PSD3: variants seen among roughly 807,000 people sequenced by gnomAD.
PSD3 encodes the protein pleckstrin and Sec7 domain containing 3, also known as PH and SEC7 domain-containing protein 3.
Under a neutral mutation model 105.5 loss-of-function variants are expected in PSD3, and 49 were observed. The ratio of observed to expected loss-of-function variants is 0.46; its 90% confidence interval spans 0.37 to 0.59. The LOEUF (loss-of-function observed/expected upper bound fraction) is 0.59, where lower values mean the gene tolerates loss of function less well. Ranked by LOEUF, PSD3 falls within the 20% of genes least tolerant of loss-of-function variation. The pLI is 0.00. For synonymous variants in PSD3, 557 were observed against 457.8 expected (o/e 1.22, Z -2.77); for missense variants, 1,561 against 1,263.8 (o/e 1.24, Z -3.57).
chr8:19,075,016 G>A (rs1829420882), intron 1 of PSD3, among the ~76,000 whole-genome samples: 1 of 151,702 alleles, frequency 6.6e-6, no homozygotes, highest in Non-Finnish European at 1.5e-5. Context: ...TGCAGTCTCA[G>A]CTCACTACAA....
chr8:18,713,232 G>A (rs1390205055), intron 9 of PSD3, among the ~76,000 whole-genome samples: 1 of 152,122 alleles, frequency 6.6e-6, no homozygotes, highest in Admixed American at 6.5e-5. Flanking sequence ...CACAAGACAA[G>A]GATGCCCTCT....
intron 11 of PSD3, among the ~76,000 whole-genome samples, chr8:18,617,434 G>A (rs959985156): frequency 2.0e-5 from 3 of 152,148 alleles, no homozygotes; most frequent in Non-Finnish European, 2.9e-5. Flanking sequence ...GGGAGGCTGA[G>A]GAAGGTGAAT....
intron 1 of PSD3, among the ~76,000 whole-genome samples, chr8:18,945,267 T>C (rs1345204409): frequency 2.6e-5 from 4 of 151,732 alleles, no homozygotes; most frequent in African/African-American, 9.7e-5. Flanking sequence ...AAGTGAACCC[T>C]AAATGACATC....
Position 18,657,612 on chromosome 8 carries a change from A to C in PSD3, c.2173-1927T>G, listed in dbSNP as rs577123248. Among the ~76,000 whole-genome samples, 34 of 152,308 alleles carry C rather than the reference A, an allele frequency of 2.2e-4. 1 individual carries two copies. The South Asian group carries it at 6.4e-3, about 29-fold the overall frequency. On this transcript the variant is annotated intron_variant, in intron 9 of 15. Transcript: ENST00000327040. ...GATTACTGAAGAGATCCAATCTATG[A>C]TATAGTTAATGTATCAGGAGGCTGA...
At chr8:18,796,808 T>C (rs562460796) in intron 8 of PSD3, among the ~76,000 whole-genome samples, 1 of 152,300 alleles carries the variant, frequency 6.6e-6, no homozygotes, top group East Asian at 1.9e-4. Flanking sequence ...GAATAATGGT[T>C]GATTAGTGTA....
intron 3 of PSD3, among the ~76,000 whole-genome samples, chr8:18,869,879 C>T (rs545432292): frequency 2.6e-5 from 4 of 152,278 alleles, no homozygotes; most frequent in Admixed American, 1.3e-4. Flanking sequence ...GGACAGTATC[C>T]GTGAGCCACA....
intron 1 of PSD3, among the ~76,000 whole-genome samples, chr8:18,965,016 G>T (rs933250789): frequency 6.6e-6 from 1 of 152,084 alleles, no homozygotes; most frequent in Non-Finnish European, 1.5e-5. Flanking sequence ...TCATAAAAAG[G>T]TTCATTCATG....
At chr8:19,084,305 A>G (rs550004503) in exon 1 of PSD3, 37 of 456,122 alleles carry the variant, frequency 8.1e-5, no homozygotes, top group African/African-American at 6.8e-4. Context: ...GCGCTGTGGT[A>G]CCTGTGGCCT....
chr8:18,701,638 G>A (rs1801588709), intron 9 of PSD3, among the ~76,000 whole-genome samples: 1 of 152,166 alleles, frequency 6.6e-6, no homozygotes, highest in Non-Finnish European at 1.5e-5. Flanking sequence ...TCCTAGTAGT[G>A]CAGAGTAAGT....
chr8:19,028,278 A>ACCCCCCCCCCCCC, intron 1 of PSD3, among the ~76,000 whole-genome samples: 1 of 94,016 alleles, frequency 1.1e-5, no homozygotes, highest in South Asian at 3.8e-4. Context: ...CTCTCACACC[A>ACCCCCCCCCCCCC]CCCCCCCCCC....
In PSD3 at chr8:18,632,602, A is replaced by G. The variant is rs748980688; in HGVS notation, c.2410+11T>C. 3 of 1,599,030 alleles carry G rather than the reference A, an allele frequency of 1.9e-6. No homozygotes were observed. The highest frequency in any genetic ancestry group is 1.8e-5 in the Admixed American group (1 of 56,778). On this transcript the variant is annotated intron_variant, in intron 11 of 15. Transcript: ENST00000327040. Reference sequence around the variant, plus strand: ...TAAATGAAATAGAAAATGACAACGCATGATACTTACTCTTCTTTCCATCCA... The same window carrying G: ...TAAATGAAATAGAAAATGACAACGCGTGATACTTACTCTTCTTTCCATCCA...
At chr8:19,050,894 C>A (rs1268029595) in intron 1 of PSD3, among the ~76,000 whole-genome samples, 1 of 152,110 alleles carries the variant, frequency 6.6e-6, no homozygotes, top group Non-Finnish European at 1.5e-5. Context: ...TCCCGTGAGC[C>A]AGGAGCTAGT....
At chr8:18,977,801 T>C (rs143361447) in intron 1 of PSD3, among the ~76,000 whole-genome samples, 1 of 152,310 alleles carries the variant, frequency 6.6e-6, no homozygotes, top group African/African-American at 2.4e-5. Context: ...TATTTTCTTC[T>C]TTTTACTTAT....
At chr8:18,752,591 T>TATA (rs1204227453) in intron 9 of PSD3, among the ~76,000 whole-genome samples, 1 of 82,360 alleles carries the variant, frequency 1.2e-5, no homozygotes, top group African/African-American at 6.6e-5. Flanking sequence ...ATATATTATA[T>TATA]ATTATATATT....
upstream of PSD3, among the ~76,000 whole-genome samples, chr8:19,015,277 C>A (rs772705031): frequency 6.6e-6 from 1 of 152,206 alleles, no homozygotes; most frequent in South Asian, 2.1e-4. Flanking sequence ...CCTTGCTTTA[C>A]GCCATGATTG....
chr8:18,979,127 C>A (rs1173627808), intron 1 of PSD3, among the ~76,000 whole-genome samples: 1 of 152,110 alleles, frequency 6.6e-6, no homozygotes, highest in Non-Finnish European at 1.5e-5. Context: ...TGTGATTTCA[C>A]AATAACTGAA....
At chr8:18,649,919 C>T (rs1044346970) in intron 10 of PSD3, among the ~76,000 whole-genome samples, 2 of 152,174 alleles carry the variant, frequency 1.3e-5, no homozygotes, top group African/African-American at 2.4e-5. Flanking sequence ...TGAGGCTTCC[C>T]CAGAAGCTGA....
chr8:18,618,205 A>G (rs1805839547), intron 11 of PSD3, among the ~76,000 whole-genome samples: 1 of 140,944 alleles, frequency 7.1e-6, no homozygotes. Flanking sequence ...CAATCCGTCT[A>G]TGACCTGGAA....
intron 2 of PSD3, among the ~76,000 whole-genome samples, chr8:18,888,995 C>A (rs549810842): frequency 7.2e-5 from 11 of 152,152 alleles, no homozygotes; most frequent in African/African-American, 1.7e-4. Flanking sequence ...AGACCTCCCA[C>A]CCCCACCCAC....
Sources: allele counts gnomAD v4.1 joint callset (sites outside exome capture counted in the v4.1 genomes callset), GRCh38; gene constraint gnomAD v4.1.1; transcripts MANE v1.5; gene names NCBI Gene and HGNC (gene_info 2026-07-23, HGNC 2026-07-21).